The following TMEFF2 variants were observed in gnomAD, a reference collection of about 807,000 sequenced individuals.
The protein encoded by TMEFF2 is transmembrane protein with EGF like and two follistatin like domains 2, also known as tomoregulin-2.
Under a neutral mutation model 53.8 loss-of-function variants are expected in TMEFF2, and 28 were observed. The observed-to-expected ratio is 0.52, with a 90% CI of 0.39 to 0.71. TMEFF2 has a LOEUF of 0.71. TMEFF2 is among the 30% of genes least tolerant of loss of function. The pLI, the probability that TMEFF2 is intolerant of heterozygous loss-of-function variation, is 0.00. For missense variants in TMEFF2, 353 were observed against 455.2 expected, an observed-to-expected ratio of 0.78 and a Z score of 2.04; for synonymous variants, 162 against 166.3, an observed-to-expected ratio of 0.97 and a Z score of 0.20.
chr2:192,116,732 T>C (rs1282210794), intron 4 of TMEFF2, among the ~76,000 whole-genome samples: 1 of 151,884 alleles, frequency 6.6e-6, no homozygotes, highest in Non-Finnish European at 1.5e-5. Context: ...TGAATCTTTG[T>C]GAGATGTGAG....
intron 5 of TMEFF2, among the ~76,000 whole-genome samples, chr2:192,033,770 C>T (rs1687205486): frequency 6.6e-6 from 1 of 152,138 alleles, no homozygotes; most frequent in Non-Finnish European, 1.5e-5. Context: ...GATTTGGCTA[C>T]AACTCAGTCA....
At chr2:192,162,868 T>C (rs1045162051) in intron 4 of TMEFF2, among the ~76,000 whole-genome samples, 4 of 152,180 alleles carry the variant, frequency 2.6e-5, no homozygotes, top group African/African-American at 9.7e-5. Flanking sequence ...TGCCCAAGAT[T>C]AGACAGGCAG....
At chr2:192,166,396 T>C (rs1467216927) in intron 4 of TMEFF2, among the ~76,000 whole-genome samples, 1 of 152,176 alleles carries the variant, frequency 6.6e-6, no homozygotes, top group Non-Finnish European at 1.5e-5. Flanking sequence ...CAAAGACTCA[T>C]CCAGAATTAT....
rs547643315 is a variant in TMEFF2 at position 192,154,767 on chromosome 2, A to G, written c.439+24901T>C. Among the ~76,000 whole-genome samples, 5 of 152,012 alleles carry G rather than the reference A, an allele frequency of 3.3e-5. No homozygotes were observed. In the East Asian group the frequency reaches 9.7e-4, roughly 30 times the overall value. ...TCCACAATGGAATTGAAACATATAC[A>G]TATTCTTATGAGGCTGGTGATATTG... On this transcript the variant is annotated intron_variant, in intron 4 of 9. Coordinates refer to ENST00000272771, the MANE Select transcript of TMEFF2 (RefSeq NM_016192.4).
intron 5 of TMEFF2, among the ~76,000 whole-genome samples, chr2:192,016,559 A>AGTCC (rs1686749842): frequency 6.6e-6 from 1 of 152,230 alleles, no homozygotes; most frequent in South Asian, 2.1e-4. Flanking sequence ...GGATCCTGTG[A>AGTCC]GTCCATCTTA....
chr2:192,071,574 G>A (rs575356905), intron 4 of TMEFF2, among the ~76,000 whole-genome samples: 1 of 151,920 alleles, frequency 6.6e-6, no homozygotes, highest in South Asian at 2.1e-4. Flanking sequence ...CAGTGTCTGC[G>A]AGGGATTAGT....
intron 7 of TMEFF2, among the ~76,000 whole-genome samples, chr2:191,988,219 A>G (rs1002884234): frequency 3.4e-4 from 52 of 152,316 alleles, no homozygotes; most frequent in African/African-American, 1.2e-3. Flanking sequence ...TATTAAAACC[A>G]TCTTACAGAT....
chr2:191,962,758 A>G (rs1049443382), intron 7 of TMEFF2, among the ~76,000 whole-genome samples: 5 of 152,214 alleles, frequency 3.3e-5, no homozygotes, highest in African/African-American at 9.6e-5. Context: ...AAATTTTATT[A>G]TTAATTGCAA....
chr2:192,066,214 T>C (rs1454951203), intron 4 of TMEFF2, among the ~76,000 whole-genome samples: 1 of 151,874 alleles, frequency 6.6e-6, no homozygotes, highest in Non-Finnish European at 1.5e-5. Flanking sequence ...TGGTTTGTTA[T>C]CTATAAAACT....
At chr2:192,171,430 CAG>C (rs145271545) in intron 4 of TMEFF2, among the ~76,000 whole-genome samples, 4,352 of 152,020 alleles carry the variant, frequency 0.029, 186 homozygotes, top group African/African-American at 0.098. Flanking sequence ...ACACAGCAGC[CAG>C]AGTGATCTTC....
At chr2:192,187,655 G>A (rs1348957424) in intron 2 of TMEFF2, among the ~76,000 whole-genome samples, 1 of 152,172 alleles carries the variant, frequency 6.6e-6, no homozygotes, top group East Asian at 1.9e-4. Flanking sequence ...GTCCATAAAC[G>A]TATGTGTTGT....
chr2:192,194,444 G>T lies in TMEFF2; in HGVS notation c.81C>A (p.Val27=). The T allele has an allele frequency of 6.2e-7, 1 of 1,614,148 alleles. No individual in the cohort carries two copies. Among genetic ancestry groups the T allele is most frequent in the East Asian group, 2.2e-5 (1 of 44,872 alleles). The change falls in exon 1 of 10, where the codon GTC becomes GTA. Residue 27 remains valine, a synonymous_variant. Coordinates refer to ENST00000272771, the MANE Select transcript of TMEFF2 (RefSeq NM_016192.4). The surrounding 1 kb of genome is among the most constrained non-coding windows in gnomAD (Gnocchi z 4.2). The stretch of plus-strand genomic sequence containing the variant: ...CCGGGCGGGCTACGATGAGTAGCAT[G>T]ACGGGCAGCAGCAGCAGCCAGCAAA... The part of the protein sequence containing the change: ...EGFCWLLLLP[V]MLLIVARPVK...
intron 9 of TMEFF2, 136 bp from the exon 10 acceptor site, chr2:191,950,543 C>G: frequency 7.7e-7 from 1 of 1,293,426 alleles, no homozygotes; most frequent in South Asian, 1.2e-5. Context: ...TTAGTAGAAG[C>G]TTGGATTATT....
At chr2:191,953,950 C>T (rs1278915737) in intron 8 of TMEFF2, 113 bp from the exon 9 acceptor site, 13 of 896,394 alleles carry the variant, frequency 1.5e-5, no homozygotes, top group African/African-American at 3.9e-5. Context: ...AGTGCAGTGG[C>T]GCATCTCGGC....
chr2:192,129,231 T>C (rs867902080), intron 4 of TMEFF2, among the ~76,000 whole-genome samples: 1 of 152,190 alleles, frequency 6.6e-6, no homozygotes, highest in Non-Finnish European at 1.5e-5. Context: ...ATATTCTGGA[T>C]TGATTTTCAG....
chr2:191,998,309 G>A lies in TMEFF2; in HGVS notation c.698C>T (p.Thr233Ile). The A allele has an allele frequency of 6.3e-7, 1 of 1,597,760 alleles. No individual in the cohort carries two copies. Among genetic ancestry groups the A allele is most frequent in the Non-Finnish European group, 8.5e-7 (1 of 1,172,480 alleles). ...SLGRCQDNTT[T>I]TTKSEDGHYA... ...ATGCCCATCTTCAGACTTAGTAGTT[G>A]TAGTTGTGTTATCTGTGTTAAAAAA... The change falls in exon 7 of 10, where the codon ACA becomes ATA. Residue 233 changes from threonine (T) to isoleucine (I), a missense_variant. Physicochemically the swap from Thr to Ile is moderately conservative, Grantham distance 89. This residue lies in a region of TMEFF2 where 294 missense variants were observed against 397.3 expected (regional missense o/e 0.74). Transcript: ENST00000272771.
intron 5 of TMEFF2, among the ~76,000 whole-genome samples, chr2:192,020,818 C>A (rs1574296540): frequency 6.6e-6 from 1 of 152,166 alleles, no homozygotes; most frequent in Middle Eastern, 3.4e-3. Context: ...TTCTCCTTAA[C>A]AATTCAAAGT....
At chr2:192,159,468 G>T (rs528248919) in intron 4 of TMEFF2, among the ~76,000 whole-genome samples, 2 of 152,196 alleles carry the variant, frequency 1.3e-5, no homozygotes, top group East Asian at 3.9e-4. Context: ...AACTGAATGC[G>T]CTAGTTTTGC....
chr2:192,054,397 G>A (rs919850635), intron 5 of TMEFF2, among the ~76,000 whole-genome samples: 4 of 151,970 alleles, frequency 2.6e-5, no homozygotes, highest in Non-Finnish European at 5.9e-5. Flanking sequence ...CATGACTAAG[G>A]TTCTCCTTTG....
Sources: allele counts gnomAD v4.1 joint callset (sites outside exome capture counted in the v4.1 genomes callset), GRCh38; gene constraint gnomAD v4.1.1; regional missense constraint gnomAD v4.1.1; non-coding constraint Gnocchi (gnomAD v3.1); transcripts MANE v1.5; gene names NCBI Gene and HGNC (gene_info 2026-07-23, HGNC 2026-07-21).